Variants in OR4E2 observed in about 807,000 individuals in gnomAD.
The protein encoded by OR4E2 is olfactory receptor family 4 subfamily E member 2, also known as olfactory receptor 4E2.
Under a neutral mutation model 11.0 loss-of-function variants are expected in OR4E2, and 9 were observed. That is an observed-to-expected ratio of 0.82 (90% CI 0.49 to 1.43). The LOEUF (loss-of-function observed/expected upper bound fraction) is 1.43, where lower values mean the gene tolerates loss of function less well. Among genes scored for constraint, OR4E2 ranks in the 40% most tolerant of loss-of-function variants. The pLI is 0.00. For missense variants in OR4E2, 441 were observed against 382.0 expected (o/e 1.15, Z -1.29); for synonymous variants, 159 against 147.3 (o/e 1.08, Z -0.57).
chr14:21,665,984 T>C lies in OR4E2; in HGVS notation c.902T>C (p.Leu301Pro), dbSNP rs1880628538. The stretch of plus-strand genomic sequence containing the variant: ...GAGGTAAAAAGTGCCATGAAGCAGC[T>C]CAGGCAGAGACAAGTTTTTTTCACG... Reference protein sequence around the residue: ...NEEVKSAMKQLRQRQVFFTKS... With the variant: ...NEEVKSAMKQPRQRQVFFTKS... The change falls in exon 4 of 4, where the codon CTC (leucine) becomes CCC (proline). Residue 301 changes from leucine (L) to proline (P), a missense_variant. Leu to Pro is a moderately conservative substitution (Grantham distance 98). Coordinates refer to ENST00000641524, the MANE Select transcript of OR4E2 (RefSeq NM_001001912.3). The C allele has an allele frequency of 6.2e-7, 1 of 1,613,932 alleles. No individual in the cohort carries two copies. The highest frequency in any genetic ancestry group is 1.3e-5 in the African/African-American group (1 of 74,908).
chr14:21,657,440 TTTCCTTCCTTCCTTCCTTCC>T (rs555201549), intron 2 of OR4E2, among the ~76,000 whole-genome samples: 5,721 of 76,292 alleles, frequency 0.075, 304 homozygotes, highest in East Asian at 0.15. Flanking sequence ...TTCTTCTTTC[TTTCCTTCCTTCCTTCCTTCC>T]TTCCTTCCTT....
Position 21,657,517 on chromosome 14 carries a change from T to TTTTC in OR4E2, c.-103+952_-103+955dup, listed in dbSNP as rs71115514. The stretch of plus-strand genomic sequence containing the variant: ...CTTCCTTCCTTCCTTCTTTCTTTGT[T>TTTTC]TTTCTTTCTTTCTTTCTTTCTTTCT... On this transcript the variant is annotated intron_variant, in intron 2 of 3. Transcript: ENST00000641524. Among the ~76,000 whole-genome samples the TTTTC allele has an allele frequency of 6.4e-3, 767 of 120,272 alleles. 15 individuals are homozygous for TTTTC. Among genetic ancestry groups the TTTTC allele is most frequent in the African/African-American group, 0.011 (373 of 32,596 alleles). 78.9% of individuals were successfully genotyped at this position (120,272 alleles called of 152,430 possible).
At chr14:21,661,242 G>A (rs970444844) in intron 3 of OR4E2, among the ~76,000 whole-genome samples, 4 of 151,922 alleles carry the variant, frequency 2.6e-5, no homozygotes, top group Admixed American at 2.0e-4. Flanking sequence ...TGTCCTTCTA[G>A]GAATAAATAT....
chr14:21,654,921 T>C (rs1283932187), intron 1 of OR4E2, among the ~76,000 whole-genome samples: 1 of 152,170 alleles, frequency 6.6e-6, no homozygotes, highest in Non-Finnish European at 1.5e-5. Flanking sequence ...AATTCTTTCT[T>C]CTTCTTAGGA....
intron 2 of OR4E2, among the ~76,000 whole-genome samples, chr14:21,657,747 C>T (rs1171547736): frequency 1.3e-5 from 2 of 151,844 alleles, no homozygotes; most frequent in East Asian, 1.9e-4. Flanking sequence ...TGCGCCACCA[C>T]GCCCAGCTAA....
intron 3 of OR4E2, among the ~76,000 whole-genome samples, chr14:21,664,129 T>C (rs1880491824): frequency 6.6e-6 from 1 of 152,222 alleles, no homozygotes; most frequent in African/African-American, 2.4e-5. Context: ...GTAATGGGAT[T>C]GCTGGGTCAA....
At position 21,666,998 on chromosome 14, in the gene OR4E2, G is replaced by A. The variant is rs1275988338; in HGVS notation, c.*974G>A. The A allele has an allele frequency of 6.6e-6, 1 of 151,958 alleles. No individual in the cohort carries two copies. Among genetic ancestry groups the A allele is most frequent in the African/African-American group, 2.4e-5 (1 of 41,368 alleles). 9.4% of individuals were successfully genotyped at this position (151,958 alleles called of 1,614,324 possible). A position where few individuals can be genotyped will look rare whatever the true frequency, so the allele number is the denominator to read the frequency against. On this transcript the variant is annotated 3_prime_UTR_variant, in exon 4 of 4. Coordinates refer to ENST00000641524, the MANE Select transcript of OR4E2 (RefSeq NM_001001912.3). ...GGGCTGAAGTATATCAGTTTATTGTGGAATGGGCAAGTCCATATGAAGAGG... is the reference window on the plus strand; with the variant it reads ...GGGCTGAAGTATATCAGTTTATTGTAGAATGGGCAAGTCCATATGAAGAGG...
chr14:21,662,755 C>T (rs73588731), intron 3 of OR4E2, among the ~76,000 whole-genome samples: 3,840 of 152,224 alleles, frequency 0.025, 155 homozygotes, highest in African/African-American at 0.087. Context: ...CTGTGAACTA[C>T]TGTTCCTAAT....
rs190359784 is a variant in OR4E2, at chr14:21,658,324, C to T, written c.-103+1735C>T. Among the ~76,000 whole-genome samples, 297 of 152,228 alleles carry T rather than the reference C, an allele frequency of 2.0e-3. 2 individuals are homozygous for T. Among genetic ancestry groups the T allele is most frequent in the African/African-American group, 6.7e-3 (277 of 41,530 alleles). On this transcript the variant is annotated intron_variant, in intron 2 of 3. Coordinates refer to ENST00000641524, the MANE Select transcript of OR4E2 (RefSeq NM_001001912.3). Reference sequence around the variant, plus strand: ...CTTGTCTCTTCTTGAGGGTTTAAGCCCTGGCATTCAATCAGTATAGGCAGT... The same window carrying T: ...CTTGTCTCTTCTTGAGGGTTTAAGCTCTGGCATTCAATCAGTATAGGCAGT...
intron 2 of OR4E2, among the ~76,000 whole-genome samples, chr14:21,659,237 G>A (rs1880182129): frequency 6.6e-6 from 1 of 152,082 alleles, no homozygotes; most frequent in Non-Finnish European, 1.5e-5. Flanking sequence ...GTGTCACTAT[G>A]TTGCCCAGGC....
At chr14:21,657,448 C>T (rs13353124) in intron 2 of OR4E2, among the ~76,000 whole-genome samples, 16 of 12,470 alleles carry the variant, frequency 1.3e-3, no homozygotes, top group Non-Finnish European at 1.8e-3. Flanking sequence ...TCTTTCCTTC[C>T]TTCCTTCCTT....
chr14:21,664,858 G>T (rs536976262), intron 3 of OR4E2, among the ~76,000 whole-genome samples: 129 of 152,280 alleles, frequency 8.5e-4, no homozygotes, highest in African/African-American at 2.9e-3. Context: ...AGAAACAATT[G>T]ATTCATGTGC....
At chr14:21,664,108 T>G (rs10146244) in intron 3 of OR4E2, among the ~76,000 whole-genome samples, 126,379 of 152,108 alleles carry the variant, frequency 0.83, 52,684 homozygotes, top group Non-Finnish European at 0.86. Flanking sequence ...TTTCCTTTGG[T>G]TATATACCCA....
rs544921356 is a variant in OR4E2 at position 21,657,337 on chromosome 14, GCTTCCTTCCTTC to G, written c.-103+788_-103+799del. Reference sequence around the variant, plus strand: ...AATGTATGGAGTTGTGATGTTAAATGCTTCCTTCCTTCCTTCCTTCCTTCCTTCCTTCCTTCC... The same window carrying G: ...AATGTATGGAGTTGTGATGTTAAATGCTTCCTTCCTTCCTTCCTTCCTTCC... On this transcript the variant is annotated intron_variant, in intron 2 of 3. Coordinates refer to ENST00000641524, the MANE Select transcript of OR4E2 (RefSeq NM_001001912.3). Among the ~76,000 whole-genome samples the G allele has an allele frequency of 7.1e-3, 798 of 112,490 alleles. 10 individuals carry two copies. Among genetic ancestry groups the G allele is most frequent in the Middle Eastern group, 0.019 (4 of 212 alleles). 73.8% of individuals were successfully genotyped at this position (112,490 alleles called of 152,430 possible).
At chr14:21,659,955 G>A (rs1368252867) in intron 2 of OR4E2, among the ~76,000 whole-genome samples, 1 of 152,090 alleles carries the variant, frequency 6.6e-6, no homozygotes, top group African/African-American at 2.4e-5. Flanking sequence ...GGAATTCTCG[G>A]TGAGTTTTAG....
intron 2 of OR4E2, among the ~76,000 whole-genome samples, chr14:21,658,700 G>A (rs75429597): frequency 1.8e-4 from 27 of 152,308 alleles, no homozygotes; most frequent in African/African-American, 6.0e-4. Context: ...AAAGGGGAAA[G>A]TTGTTGCTGT....
At chr14:21,659,939 A>G (rs926162097) in intron 2 of OR4E2, among the ~76,000 whole-genome samples, 3 of 152,140 alleles carry the variant, frequency 2.0e-5, no homozygotes, top group African/African-American at 7.2e-5. Flanking sequence ...GGGGATCAGG[A>G]GTGCTGGAAT....
chr14:21,659,222 A>G (rs1325583762), intron 2 of OR4E2, among the ~76,000 whole-genome samples: 2 of 152,098 alleles, frequency 1.3e-5, no homozygotes, highest in African/African-American at 4.8e-5. Flanking sequence ...TTTTGTAGAG[A>G]TGCAGTGTCA....
At chr14:21,654,525 G>T (rs933553221) in intron 1 of OR4E2, among the ~76,000 whole-genome samples, 1 of 151,978 alleles carries the variant, frequency 6.6e-6, no homozygotes, top group Non-Finnish European at 1.5e-5. Flanking sequence ...ATACATGGGA[G>T]GATTGGTTTC....
Sources: gnomAD v4.1 joint callset for allele counts (sites outside exome capture counted in the v4.1 genomes callset) on GRCh38, gnomAD v4.1.1 for gene constraint, MANE v1.5 for transcripts, NCBI Gene and HGNC (gene_info 2026-07-23, HGNC 2026-07-21) for gene names.